CTDSPL2: variants seen among roughly 807,000 people sequenced by gnomAD.
CTDSPL2 encodes CTD small phosphatase like 2.
In CTDSPL2, 5 loss-of-function variants were observed where a neutral mutation model predicts 60.0. The observed-to-expected ratio is 0.08, with a 90% CI of 0.04 to 0.18. The LOEUF is 0.18. Ranked by LOEUF, CTDSPL2 falls within the 10% of genes least tolerant of loss-of-function variation. The pLI, the probability that CTDSPL2 is intolerant of heterozygous loss-of-function variation, is 1.00. For missense variants in CTDSPL2, 370 were observed against 548.8 expected, an observed-to-expected ratio of 0.67 and a Z score of 3.26; for synonymous variants, 186 against 189.3, an observed-to-expected ratio of 0.98 and a Z score of 0.14.
chr15:44,518,990 T>G (rs1379705682), intron 10 of CTDSPL2, 179 bp from the exon 11 acceptor site: 1 of 375,516 alleles, frequency 2.7e-6, no homozygotes, highest in Non-Finnish European at 4.8e-6. Flanking sequence ...CAGTAATTGC[T>G]TAGAATTTTT....
At chr15:44,496,929 G>T in intron 6 of CTDSPL2, 98 bp from the exon 7 acceptor site, 1 of 610,296 alleles carries the variant, frequency 1.6e-6, no homozygotes, top group South Asian at 2.4e-5. Flanking sequence ...TGTTTTCTGG[G>T]TTAACTGCTT....
In CTDSPL2 at chr15:44,456,881, T is replaced by TC. The variant is rs1202831795; in HGVS notation, c.-24-2110_-24-2109insC. On this transcript the variant is annotated intron_variant, in intron 1 of 12. Coordinates refer to ENST00000260327, the MANE Select transcript of CTDSPL2 (RefSeq NM_016396.3). ...TTTTTTTTTTCTTTTTTTTTTTGTTTTTTTTTCTTTTTTTTGAAACAGGCT... is the reference window on the plus strand; with the variant it reads ...TTTTTTTTTTCTTTTTTTTTTTGTTTCTTTTTTCTTTTTTTTGAAACAGGCT... 7.3e-4 allele frequency among the ~76,000 whole-genome samples: 106 copies of TC among 146,172 alleles called. 1 individual carries two copies. In the East Asian group the frequency reaches 0.016, roughly 23 times the overall value.
chr15:44,518,566 C>CAA (rs200130306), intron 10 of CTDSPL2: 2 of 151,694 alleles, frequency 1.3e-5, no homozygotes, highest in Admixed American at 6.6e-5. Context: ...GACCTTTTCT[C>CAA]AAAAAAAATA....
At chr15:44,468,930 TATGCTGTACTCCTGTTAGTC>T (rs1407894943) in intron 2 of CTDSPL2, among the ~76,000 whole-genome samples, 7 of 152,342 alleles carry the variant, frequency 4.6e-5, no homozygotes, top group Admixed American at 3.3e-4. Context: ...TCCATATGTA[TATGCTGTACTCCTGTTAGTC>T]ACTTAGTAGC....
chr15:44,523,388 C>CTACA (rs61461067), intron 12 of CTDSPL2, among the ~76,000 whole-genome samples: 8,860 of 144,964 alleles, frequency 0.061, 315 homozygotes, highest in African/African-American at 0.089. Flanking sequence ...GACCTCATCT[C>CTACA]TACATACATA....
chr15:44,429,188 T>C (rs2079806525), intron 1 of CTDSPL2, among the ~76,000 whole-genome samples: 1 of 152,232 alleles, frequency 6.6e-6, no homozygotes, highest in South Asian at 2.1e-4. Flanking sequence ...TGGTAGACTT[T>C]GCCCAAGGTC....
At chr15:44,443,226 T>C (rs1311411126) in intron 1 of CTDSPL2, among the ~76,000 whole-genome samples, 5 of 152,232 alleles carry the variant, frequency 3.3e-5, no homozygotes, top group Non-Finnish European at 4.4e-5. Context: ...GTTCATAATA[T>C]ATATCAGAAT....
Position 44,527,949 on chromosome 15 carries a change from T to C in CTDSPL2, c.*3775T>C, listed in dbSNP as rs556917844. On this transcript the variant is annotated 3_prime_UTR_variant, in exon 13 of 13. Transcript: ENST00000260327. Reference sequence around the variant, plus strand: ...CTACGACAAACATGTATAAAATACATTTAAGAATTTTCAGAATATGAACCA... The same window carrying C: ...CTACGACAAACATGTATAAAATACACTTAAGAATTTTCAGAATATGAACCA... 1.3e-5 allele frequency: 2 copies of C among 152,316 alleles called. No individual in the cohort carries two copies. Among genetic ancestry groups the C allele is most frequent in the South Asian group, 4.1e-4 (2 of 4,834 alleles). 9.4% of individuals were successfully genotyped at this position (152,316 alleles called of 1,614,324 possible).
At chr15:44,481,303 A>C (rs1367264676) in intron 2 of CTDSPL2, among the ~76,000 whole-genome samples, 1 of 152,170 alleles carries the variant, frequency 6.6e-6, no homozygotes, top group Non-Finnish European at 1.5e-5. Flanking sequence ...TTGTAACCTG[A>C]AGTATTTGAA....
intron 11 of CTDSPL2, chr15:44,520,707 T>A (rs1289565629): frequency 6.6e-6 from 1 of 152,250 alleles, no homozygotes; most frequent in Non-Finnish European, 1.5e-5. Context: ...CCATCTCATA[T>A]ACAACATTTA....
In CTDSPL2 at chr15:44,525,254, C is replaced by G. The variant is rs1238292483; in HGVS notation, c.*1080C>G. The G allele has an allele frequency of 2.5e-6, 1 of 396,330 alleles. No homozygotes were observed. Among genetic ancestry groups the G allele is most frequent in the Non-Finnish European group, 4.4e-6 (1 of 224,792 alleles). 24.6% of individuals were successfully genotyped at this position (396,330 alleles called of 1,614,324 possible). ...ACTGTATAACAGTCTTGGTACCTAA[C>G]AGTAGCTATGCATAATCCTGTGGCA... On this transcript the variant is annotated 3_prime_UTR_variant, in exon 13 of 13. Transcript: ENST00000260327.
At chr15:44,501,857 C>G in intron 8 of CTDSPL2, 2 of 366,510 alleles carry the variant, frequency 5.5e-6, no homozygotes, top group South Asian at 2.2e-5. Flanking sequence ...CATAGCCATT[C>G]TGTCTTTTAA....
intron 1 of CTDSPL2, among the ~76,000 whole-genome samples, chr15:44,435,894 A>T: frequency 6.6e-6 from 1 of 152,236 alleles, no homozygotes; most frequent in Non-Finnish European, 1.5e-5. Context: ...GGTGTGAGCC[A>T]TCGCACCTGG....
intron 2 of CTDSPL2, among the ~76,000 whole-genome samples, chr15:44,466,856 G>A (rs952580002): frequency 4.6e-5 from 7 of 151,980 alleles, no homozygotes; most frequent in South Asian, 2.1e-4. Flanking sequence ...GGAGAATGGC[G>A]TGAACCTGGG....
intron 2 of CTDSPL2, among the ~76,000 whole-genome samples, chr15:44,469,840 G>T (rs1466466283): frequency 6.6e-6 from 1 of 152,184 alleles, no homozygotes; most frequent in African/African-American, 2.4e-5. Flanking sequence ...GCTCACGCCT[G>T]TAATCCCAGC....
intron 12 of CTDSPL2, among the ~76,000 whole-genome samples, chr15:44,522,963 G>C (rs1197259389): frequency 6.6e-6 from 1 of 151,954 alleles, no homozygotes; most frequent in East Asian, 1.9e-4. Flanking sequence ...AACTTTGGCA[G>C]GATGTAGTGG....
At chr15:44,464,959 G>T (rs1000403497) in intron 2 of CTDSPL2, among the ~76,000 whole-genome samples, 1 of 152,116 alleles carries the variant, frequency 6.6e-6, no homozygotes, top group Non-Finnish European at 1.5e-5. Flanking sequence ...GCCTGCCTCG[G>T]CCTCCCAAAG....
chr15:44,448,809 G>GAA, intron 1 of CTDSPL2: 1 of 345,256 alleles, frequency 2.9e-6, no homozygotes, highest in Non-Finnish European at 5.6e-6. Flanking sequence ...GCTTAGGAGG[G>GAA]AAAAAAAAAT....
chr15:44,520,094 A>G (rs2081736178), intron 11 of CTDSPL2: 1 of 150,602 alleles, frequency 6.6e-6, no homozygotes. Context: ...CTTTCAAGGT[A>G]TATTTTAGAT....
Sources: allele counts gnomAD v4.1 joint callset (sites outside exome capture counted in the v4.1 genomes callset), GRCh38; gene constraint gnomAD v4.1.1; transcripts MANE v1.5; gene names NCBI Gene and HGNC (gene_info 2026-07-23, HGNC 2026-07-21).